The following TTC3 variants were observed in gnomAD, a reference collection of about 807,000 sequenced individuals.
TTC3 encodes the protein tetratricopeptide repeat domain 3, also known as E3 ubiquitin-protein ligase TTC3.
In TTC3, 180 loss-of-function variants were observed where a neutral mutation model predicts 249.6. That is an observed-to-expected ratio of 0.72 (90% CI 0.64 to 0.82). TTC3 has a LOEUF of 0.82. Ranked by LOEUF, TTC3 falls within the 40% of genes least tolerant of loss-of-function variation. The pLI is 0.00. For missense variants in TTC3, 2,061 were observed against 2,398.4 expected (o/e 0.86, Z 2.94); for synonymous variants, 717 against 805.0 (o/e 0.89, Z 1.85).
intron 1 of TTC3, chr21:37,083,995 A>G (rs959981071): frequency 3.9e-5 from 6 of 152,354 alleles, no homozygotes; most frequent in Non-Finnish European, 7.3e-5. Context: ...ATAATCATGG[A>G]CATTATCACT....
At chr21:37,131,605 A>C (rs1050034266) in intron 16 of TTC3, among the ~76,000 whole-genome samples, 2 of 152,070 alleles carry the variant, frequency 1.3e-5, no homozygotes, top group African/African-American at 4.8e-5. Flanking sequence ...AGAGGGACTC[A>C]TGGGAACCCT....
rs555485954 is a variant in TTC3, at chr21:37,114,476, A to G, written c.900+6030A>G. On this transcript the variant is annotated intron_variant, in intron 11 of 45. Transcript: ENST00000355666. ...TCAGAGAAATGCAAATCAAAACCAC[A>G]GTGAGATACCATCTCACACCATTTA... Among the ~76,000 whole-genome samples the G allele has an allele frequency of 1.6e-4, 25 of 152,386 alleles. No individual in the cohort carries two copies. In the South Asian group the frequency reaches 2.1e-3, roughly 13 times the overall value.
At chr21:37,116,457 G>A (rs1284976891) in intron 11 of TTC3, among the ~76,000 whole-genome samples, 2 of 151,882 alleles carry the variant, frequency 1.3e-5, no homozygotes, top group Non-Finnish European at 2.9e-5. Flanking sequence ...GTTAATTCTG[G>A]GTATCTGTGT....
At chr21:37,115,671 CT>C (rs1165017069) in intron 11 of TTC3, among the ~76,000 whole-genome samples, 1 of 152,298 alleles carries the variant, frequency 6.6e-6, no homozygotes, top group East Asian at 1.9e-4. Context: ...CCTGTGTGAT[CT>C]GTCCCCGTCT....
At chr21:37,085,073 T>A (rs941106557) in intron 1 of TTC3, among the ~76,000 whole-genome samples, 1 of 152,146 alleles carries the variant, frequency 6.6e-6, no homozygotes, top group Non-Finnish European at 1.5e-5. Context: ...ATTGGTGCTG[T>A]GTGTGTTATC....
chr21:37,081,801 G>A (rs1032197051), intron 1 of TTC3: 4 of 150,682 alleles, frequency 2.7e-5, no homozygotes, highest in African/African-American at 9.8e-5. Flanking sequence ...CTTCAACTGT[G>A]CCTAATATCC....
intron 41 of TTC3, among the ~76,000 whole-genome samples, chr21:37,195,209 G>A (rs1249790119): frequency 6.6e-6 from 1 of 152,210 alleles, no homozygotes; most frequent in Non-Finnish European, 1.5e-5. Context: ...GCTGCATGGG[G>A]AGGAGTGTCA....
chr21:37,133,500 C>T (rs2077648973), intron 17 of TTC3, among the ~76,000 whole-genome samples: 1 of 152,150 alleles, frequency 6.6e-6, no homozygotes, highest in African/African-American at 2.4e-5. Flanking sequence ...CCATGAAATA[C>T]TTAAATAGAT....
intron 11 of TTC3, among the ~76,000 whole-genome samples, chr21:37,116,103 C>G (rs1358300335): frequency 1.3e-5 from 2 of 152,188 alleles, no homozygotes; most frequent in East Asian, 1.9e-4. Flanking sequence ...GTTCACTTCA[C>G]TCTTGAATCC....
intron 34 of TTC3, among the ~76,000 whole-genome samples, chr21:37,170,898 A>G (rs751300839): frequency 2.0e-5 from 3 of 152,236 alleles, no homozygotes; most frequent in Non-Finnish European, 2.9e-5. Context: ...ACATTTACAT[A>G]TAATTAAACA....
intron 34 of TTC3, among the ~76,000 whole-genome samples, chr21:37,171,320 A>G (rs1050037769): frequency 6.6e-6 from 1 of 152,234 alleles, no homozygotes; most frequent in Non-Finnish European, 1.5e-5. Context: ...TGATGCTAGT[A>G]TAGGTGATTG....
At chr21:37,156,010 T>A (rs565939292) in intron 27 of TTC3, among the ~76,000 whole-genome samples, 1 of 151,508 alleles carries the variant, frequency 6.6e-6, no homozygotes, top group South Asian at 2.1e-4. Context: ...AATGAAAGTC[T>A]TTATGAATTA....
At chr21:37,195,280 C>T (rs969005398) in intron 41 of TTC3, among the ~76,000 whole-genome samples, 7 of 152,108 alleles carry the variant, frequency 4.6e-5, no homozygotes, top group Non-Finnish European at 8.8e-5. Context: ...GAAGAGGAGG[C>T]GGCCCCCTGG....
intron 36 of TTC3, among the ~76,000 whole-genome samples, chr21:37,184,702 C>A (rs1398664172): frequency 6.7e-6 from 1 of 149,598 alleles, no homozygotes; most frequent in Admixed American, 6.7e-5. Context: ...CTCCTGACCT[C>A]AGATGATCCA....
chr21:37,178,518 T>A (rs1427558096), intron 35 of TTC3, among the ~76,000 whole-genome samples: 1 of 152,218 alleles, frequency 6.6e-6, no homozygotes, highest in African/African-American at 2.4e-5. Flanking sequence ...TATCTCATTG[T>A]GGTTTTGATT....
intron 3 of TTC3, 95 bp from the exon 4 acceptor site, chr21:37,088,101 C>A: frequency 8.8e-7 from 1 of 1,133,746 alleles, no homozygotes; most frequent in Non-Finnish European, 1.2e-6. Context: ...CATTTCTTCC[C>A]TCTCCATATC....
chr21:37,159,580 A>C (rs2080478879), intron 28 of TTC3, 119 bp from the exon 29 acceptor site: 1 of 1,154,182 alleles, frequency 8.7e-7, no homozygotes, highest in Non-Finnish European at 1.2e-6. Context: ...GTCAAAGCCA[A>C]ATAAGGAATA....
At position 37,166,597 on chromosome 21, in the gene TTC3, G is replaced by A. The variant is rs141118580; in HGVS notation, c.4383G>A (p.Val1461=). The change falls in exon 33 of 46, where the codon GTG becomes GTA. Residue 1461 remains valine, a synonymous_variant. Coordinates refer to ENST00000355666, the Ensembl canonical transcript of TTC3. ...GTGCAGTAACAAACATTCCACACGT[G>A]CAGATGGTTGCCATACAGGTAAGAG... 4.2e-5 allele frequency: 68 copies of A among 1,611,918 alleles called. No homozygotes were observed. The African/African-American group carries it at 8.9e-4, about 21-fold the overall frequency.
At chr21:37,176,282 C>T (rs1414913409) in intron 35 of TTC3, among the ~76,000 whole-genome samples, 1 of 152,058 alleles carries the variant, frequency 6.6e-6, no homozygotes, top group African/African-American at 2.4e-5. Flanking sequence ...TTTGAATATT[C>T]ACATTATTGT....
Sources: gnomAD v4.1 joint callset for allele counts (sites outside exome capture counted in the v4.1 genomes callset) on GRCh38, gnomAD v4.1.1 for gene constraint, MANE v1.5 for transcripts, NCBI Gene and HGNC (gene_info 2026-07-23, HGNC 2026-07-21) for gene names.